ACAP2: variants seen among roughly 807,000 people sequenced by gnomAD.
ACAP2 encodes the protein ArfGAP with coiled-coil, ankyrin repeat and PH domains 2, also known as arf-GAP with coiled-coil, ANK repeat and PH domain-containing protein 2.
A neutral mutation model predicts 115.8 loss-of-function variants in ACAP2; 39 were observed. The ratio of observed to expected loss-of-function variants is 0.34; its 90% CI spans 0.26 to 0.44. The LOEUF is 0.44. Among genes scored for constraint, ACAP2 ranks in the 20% least tolerant of loss-of-function variants. The probability of loss-of-function intolerance (pLI) is 1.00; values close to 1 mark genes in which losing one functional copy is unlikely to be tolerated. For synonymous variants in ACAP2, 289 were observed against 315.8 expected, an observed-to-expected ratio of 0.92 and a Z score of 0.90; for missense variants, 662 against 927.6, an observed-to-expected ratio of 0.71 and a Z score of 3.72.
intron 1 of ACAP2, among the ~76,000 whole-genome samples, chr3:195,417,874 T>C (rs1053731766): frequency 6.6e-6 from 1 of 151,740 alleles, no homozygotes; most frequent in Non-Finnish European, 1.5e-5. Flanking sequence ...GCTTGAGTCT[T>C]GGAGTTCAAG....
chr3:195,302,258 T>C, intron 13 of ACAP2, 84 bp from the exon 14 acceptor site: 1 of 1,245,454 alleles, frequency 8.0e-7, no homozygotes. Flanking sequence ...AAACTAAAGC[T>C]TCCAATCAAT....
At chr3:195,325,943 AAC>A (rs1387838043) in intron 9 of ACAP2, among the ~76,000 whole-genome samples, 10 of 152,228 alleles carry the variant, frequency 6.6e-5, no homozygotes, top group African/African-American at 2.4e-4. Flanking sequence ...GAAAGTAACT[AAC>A]TTAAAGATGG....
At chr3:195,284,778 T>G (rs1012804811) in intron 22 of ACAP2, among the ~76,000 whole-genome samples, 17 of 152,218 alleles carry the variant, frequency 1.1e-4, no homozygotes, top group African/African-American at 3.9e-4. Flanking sequence ...CATTGCAAAC[T>G]GAATATTCTC....
chr3:195,342,622 T>G lies in ACAP2; in HGVS notation c.377A>C (p.Gln126Pro). The stretch of plus-strand genomic sequence containing the variant: ...TTTTTCTTCACTGACTTTTTCGAAT[T>G]GCTTCTTGGCATCTTTGAATTTTCT... ...DLRKFKDAKK[Q>P]FEKVSEEKEN... Residue 126 changes from glutamine to proline, a missense_variant, in exon 6 of 23, where the codon CAA (glutamine) becomes CCA (proline). Physicochemically the swap from Gln to Pro is moderately conservative, Grantham distance 76. This residue lies in a region of ACAP2 where 401 missense variants were observed against 604.4 expected (regional missense o/e 0.66). Transcript: ENST00000326793. 6.2e-7 allele frequency: 1 copy of G among 1,603,910 alleles called. No homozygotes were observed. The highest frequency in any genetic ancestry group is 8.5e-7 in the Non-Finnish European group (1 of 1,177,520).
chr3:195,400,328 A>G (rs181145878), intron 1 of ACAP2, among the ~76,000 whole-genome samples: 402 of 152,164 alleles, frequency 2.6e-3, no homozygotes, highest in African/African-American at 9.3e-3. Flanking sequence ...AGCTTCTCAT[A>G]TTAACAGGTA....
At chr3:195,325,572 T>TA (rs1729741120) in intron 9 of ACAP2, 1 of 381,000 alleles carries the variant, frequency 2.6e-6, no homozygotes, top group African/African-American at 2.1e-5. Flanking sequence ...AAATTATTCT[T>TA]AGAGTTAATA....
intron 6 of ACAP2, 82 bp downstream of exon 6, chr3:195,342,389 T>G: frequency 3.8e-6 from 5 of 1,332,592 alleles, no homozygotes; most frequent in Non-Finnish European, 5.0e-6. Context: ...AAGTATTTAT[T>G]CTTCTTAGGG....
In ACAP2 at chr3:195,291,744, C is replaced by T. The variant is rs892396623; in HGVS notation, c.2025G>A (p.Arg675=). 13 of 1,613,962 alleles carry T rather than the reference C, an allele frequency of 8.1e-6. No individual in the cohort carries two copies. In the Admixed American group the frequency reaches 2.0e-4, roughly 25 times the overall value. ...AGACGGTGGCATGGTGCAATGGTCCCCGCCCTTGGACATCTCTTTGGTTGA... is the reference window on the plus strand; with the variant it reads ...AGACGGTGGCATGGTGCAATGGTCCTCGCCCTTGGACATCTCTTTGGTTGA... ...ANVNQRDVQG[R]GPLHHATVLG... The change falls in exon 20 of 23, where the codon CGG becomes CGA. Residue 675 remains arginine (R), a synonymous_variant. Transcript: ENST00000326793.
At chr3:195,341,565 C>T (rs1218158757) in intron 6 of ACAP2, among the ~76,000 whole-genome samples, 2 of 152,000 alleles carry the variant, frequency 1.3e-5, no homozygotes, top group Non-Finnish European at 2.9e-5. Flanking sequence ...ACTTGTGATC[C>T]ACCCGTCTTG....
intron 5 of ACAP2, among the ~76,000 whole-genome samples, chr3:195,344,657 A>G (rs1334889272): frequency 6.6e-6 from 1 of 152,014 alleles, no homozygotes; most frequent in Non-Finnish European, 1.5e-5. Context: ...AGTAGCTGGG[A>G]TTACAGGCAT....
At chr3:195,318,453 T>A (rs1211411405) in intron 10 of ACAP2, among the ~76,000 whole-genome samples, 1 of 152,198 alleles carries the variant, frequency 6.6e-6, no homozygotes, top group African/African-American at 2.4e-5. Context: ...GATACGGATA[T>A]GGACAATGTA....
At chr3:195,335,041 G>A (rs912770875) in intron 7 of ACAP2, among the ~76,000 whole-genome samples, 2 of 152,034 alleles carry the variant, frequency 1.3e-5, no homozygotes, top group Admixed American at 6.5e-5. Context: ...CATGAGCTAC[G>A]AATGGTTTTT....
chr3:195,285,322 T>C (rs1726771090), intron 22 of ACAP2: 1 of 151,902 alleles, frequency 6.6e-6, no homozygotes, highest in Non-Finnish European at 1.5e-5. Flanking sequence ...GCCAGACACA[T>C]GGTGATTTTT....
intron 2 of ACAP2, among the ~76,000 whole-genome samples, chr3:195,384,384 G>A (rs924864010): frequency 4.6e-5 from 7 of 152,092 alleles, no homozygotes; most frequent in African/African-American, 1.7e-4. Context: ...GTTGAAATGG[G>A]GAGAGTCATT....
At chr3:195,372,872 A>G (rs1043602729) in intron 4 of ACAP2, among the ~76,000 whole-genome samples, 16 of 151,876 alleles carry the variant, frequency 1.1e-4, no homozygotes, top group Admixed American at 5.3e-4. Context: ...CTGTTTTGCA[A>G]ACTACCTAAA....
chr3:195,289,206 C>T lies in ACAP2; in HGVS notation c.2089G>A (p.Gly697Ser), dbSNP rs1727070760. The T allele has an allele frequency of 6.2e-7, 1 of 1,612,440 alleles. No homozygotes were observed. Among genetic ancestry groups the T allele is most frequent in the African/African-American group, 1.3e-5 (1 of 74,688 alleles). ...TGQVCLFLKR[G>S]ANQHATDEEG... ...TCATCAGTGGCATGTTGATTGGCAC[C>T]TCGTTTTAGGAATAAACATACCTGC... The change falls in exon 21 of 23, where the codon GGT (glycine) becomes AGT (serine). Residue 697 changes from glycine to serine, a missense_variant. Physicochemically the swap from Gly to Ser is moderately conservative, Grantham distance 56. Transcript: ENST00000326793.
intron 1 of ACAP2, among the ~76,000 whole-genome samples, chr3:195,406,466 A>T (rs1178070427): frequency 1.3e-5 from 2 of 152,198 alleles, no homozygotes; most frequent in Non-Finnish European, 2.9e-5. Context: ...CTACAGCATC[A>T]TAGTTGCACA....
At chr3:195,284,042 G>A (rs1252870721) in intron 22 of ACAP2, among the ~76,000 whole-genome samples, 1 of 152,152 alleles carries the variant, frequency 6.6e-6, no homozygotes, top group African/African-American at 2.4e-5. Flanking sequence ...GGAACTAGAA[G>A]TGGCAAGAAC....
chr3:195,286,007 C>A (rs1438858602), intron 21 of ACAP2, 150 bp from the exon 22 acceptor site: 2 of 602,200 alleles, frequency 3.3e-6, no homozygotes, highest in African/African-American at 3.8e-5. Flanking sequence ...ACCCAGCAAT[C>A]TGAGGTACAA....
Sources: gnomAD v4.1 joint callset for allele counts (sites outside exome capture counted in the v4.1 genomes callset) on GRCh38, gnomAD v4.1.1 for gene constraint, gnomAD v4.1.1 regional missense constraint, MANE v1.5 for transcripts, NCBI Gene and HGNC (gene_info 2026-07-23, HGNC 2026-07-21) for gene names.